CCNG2: variants seen among roughly 807,000 people sequenced by gnomAD.
CCNG2 encodes cyclin-G2.
A neutral mutation model predicts 36.5 loss-of-function variants in CCNG2; 20 were observed. The ratio of observed to expected loss-of-function variants is 0.55; its 90% CI spans 0.39 to 0.80. CCNG2 has a LOEUF of 0.80. Ranked by LOEUF, CCNG2 falls within the 30% of genes least tolerant of loss-of-function variation. The pLI is 0.00. For missense variants in CCNG2, 358 were observed against 390.8 expected, an observed-to-expected ratio of 0.92 and a Z score of 0.71; for synonymous variants, 155 against 140.1, an observed-to-expected ratio of 1.11 and a Z score of -0.75.
rs1365443814 is a variant in CCNG2 at position 77,167,066 on chromosome 4, TTTA to T, written c.*1147_*1149del. 8 of 152,344 alleles carry T rather than the reference TTTA, an allele frequency of 5.3e-5. No homozygotes were observed. Among genetic ancestry groups the T allele is most frequent in the African/African-American group, 1.9e-4 (8 of 41,586 alleles). 9.4% of individuals were successfully genotyped at this position (152,344 alleles called of 1,614,324 possible). On this transcript the variant is annotated 3_prime_UTR_variant, in exon 8 of 8. Transcript: ENST00000316355. ...GTCTAGTCATTGCATGTAAATATAA[TTTA>T]TTATGTATTCTGTAGTATAAATCAT...
At chr4:77,164,019 G>A (rs373841414) in intron 6 of CCNG2, among the ~76,000 whole-genome samples, 31 of 152,170 alleles carry the variant, frequency 2.0e-4, no homozygotes, top group African/African-American at 6.7e-4. Flanking sequence ...TTATACTTAC[G>A]GTGCTCTTCT....
chr4:77,163,390 G>A (rs904364263), intron 6 of CCNG2, among the ~76,000 whole-genome samples: 3 of 152,184 alleles, frequency 2.0e-5, no homozygotes, highest in Non-Finnish European at 2.9e-5. Flanking sequence ...TGTGTCAGAG[G>A]TAATGTCAGT....
chr4:77,158,687 G>A lies in CCNG2; in HGVS notation c.138+17G>A, dbSNP rs1731342247. ...ACCCCGGAGGTAAGTTGGCAGAAAA[G>A]ATAACTTGCTCAAGCAGCTGATGGG... is the stretch of plus-strand genomic sequence containing the variant. On this transcript the variant is annotated intron_variant, in intron 2 of 7. Transcript: ENST00000316355. 33 of 1,613,394 alleles carry A rather than the reference G, an allele frequency of 2.0e-5. No homozygotes were observed. Among genetic ancestry groups the A allele is most frequent in the Non-Finnish European group, 2.4e-5 (28 of 1,179,864 alleles).
Position 77,168,175 on chromosome 4 carries a change from A to G in CCNG2, c.*2251A>G, listed in dbSNP as rs4150106. Reference sequence around the variant, plus strand: ...TCTTTCTCAGCGAATAATTCCATCTATTCATGTTGGAAACTTAGGTGATAT... The same window carrying G: ...TCTTTCTCAGCGAATAATTCCATCTGTTCATGTTGGAAACTTAGGTGATAT... On this transcript the variant is annotated 3_prime_UTR_variant, in exon 8 of 8. Coordinates refer to ENST00000316355, the MANE Select transcript of CCNG2 (RefSeq NM_004354.3). 49,034 of 152,060 alleles carry G rather than the reference A, an allele frequency of 0.32. 9,342 individuals are homozygous for G. The highest frequency in any genetic ancestry group is 0.45 in the East Asian group (2,314 of 5,160). The allele number at this position is 152,060 out of a possible 1,614,324, so 9.4% of individuals were successfully genotyped here.
intron 7 of CCNG2, 50 bp from the exon 8 acceptor site, chr4:77,165,751 G>C: frequency 7.0e-7 from 1 of 1,423,834 alleles, no homozygotes; most frequent in Non-Finnish European, 9.4e-7. Flanking sequence ...AAACATTTAA[G>C]TGTGTTTTAA....
intron 4 of CCNG2, 99 bp downstream of exon 4, chr4:77,161,070 A>G (rs1017005008): frequency 1.4e-5 from 12 of 882,382 alleles, no homozygotes; most frequent in Admixed American, 1.1e-4. Context: ...ACCTTCTTCA[A>G]ACTTTCAACT....
Position 77,158,612 on chromosome 4 carries a change from A to G in CCNG2, c.80A>G (p.Gln27Arg), listed in dbSNP as rs765346917. The change falls in exon 2 of 8, where the codon CAA (glutamine) becomes CGA (arginine). Residue 27 changes from glutamine to arginine, a missense_variant. Coordinates refer to ENST00000316355, the MANE Select transcript of CCNG2 (RefSeq NM_004354.3). ...LLGLLNVYLE[Q>R]EERFQPREKG... Reference sequence around the variant, plus strand: ...GGGTTGTTGAACGTCTACCTGGAACAAGAAGAGAGATTCCAACCTCGAGAA... The same window carrying G: ...GGGTTGTTGAACGTCTACCTGGAACGAGAAGAGAGATTCCAACCTCGAGAA... 5 of 1,614,040 alleles carry G rather than the reference A, an allele frequency of 3.1e-6. No homozygotes were observed. Among genetic ancestry groups the G allele is most frequent in the Non-Finnish European group, 4.2e-6 (5 of 1,180,036 alleles).
intron 1 of CCNG2, among the ~76,000 whole-genome samples, chr4:77,158,018 C>T (rs1318713505): frequency 6.6e-6 from 1 of 151,710 alleles, no homozygotes; most frequent in African/African-American, 2.4e-5. Context: ...AAGCTGGGGG[C>T]GGGACTCTCC....
intron 7 of CCNG2, among the ~76,000 whole-genome samples, chr4:77,165,398 A>C (rs927007856): frequency 1.3e-5 from 2 of 151,814 alleles, no homozygotes; most frequent in African/African-American, 4.8e-5. Flanking sequence ...AACTTGTTTA[A>C]ACTTAAGAAA....
At chr4:77,157,729 A>G (rs1577902331) in intron 1 of CCNG2, among the ~76,000 whole-genome samples, 1 of 151,990 alleles carries the variant, frequency 6.6e-6, no homozygotes, top group South Asian at 2.1e-4. Context: ...GGTTAAGGGC[A>G]GTCTCCGCCT....
At chr4:77,161,335 T>C in intron 4 of CCNG2, 145 bp from the exon 5 acceptor site, 1 of 622,438 alleles carries the variant, frequency 1.6e-6, no homozygotes. Context: ...CTCCTGACCT[T>C]AGGTGATCCA....
chr4:77,159,269 A>G, intron 2 of CCNG2, 98 bp from the exon 3 acceptor site: 1 of 1,157,616 alleles, frequency 8.6e-7, no homozygotes, highest in Non-Finnish European at 1.2e-6. Flanking sequence ...AATTAACCTT[A>G]TTCTTGGGAA....
At position 77,160,945 on chromosome 4, in the gene CCNG2, T is replaced by G; in HGVS notation, c.501T>G (p.Thr167=). ...TAAACTTTTTGCACTTATACCATAC[T>G]ATTATACTTTGTCATACTTCAGAAA... The part of the protein sequence containing the change: ...TALNFLHLYH[T]IILCHTSERK... The change falls in exon 4 of 8, where the codon ACT becomes ACG. Residue 167 remains threonine (T), a synonymous_variant. Coordinates refer to ENST00000316355, the MANE Select transcript of CCNG2 (RefSeq NM_004354.3). 6.2e-7 allele frequency: 1 copy of G among 1,604,820 alleles called. No individual in the cohort carries two copies.
Position 77,157,494 on chromosome 4 carries a change from C to G in CCNG2, c.-13C>G, listed in dbSNP as rs1226568788. On this transcript the variant is annotated 5_prime_UTR_variant, in exon 1 of 8. Transcript: ENST00000316355. ...GCGAGGCCGCGGGCGGGTGGAGGCGCGTCTCCGGCACGGTGAGTGGACCCG... is the reference window on the plus strand; with the variant it reads ...GCGAGGCCGCGGGCGGGTGGAGGCGGGTCTCCGGCACGGTGAGTGGACCCG... The G allele has an allele frequency of 6.6e-6, 1 of 152,488 alleles. No homozygotes were observed. The highest frequency in any genetic ancestry group is 1.5e-5 in the Non-Finnish European group (1 of 68,334). 9.4% of individuals were successfully genotyped at this position (152,488 alleles called of 1,614,324 possible). A position where few individuals can be genotyped will look rare whatever the true frequency, so the allele number is the denominator to read the frequency against.
Position 77,158,801 on chromosome 4 carries a change from A to G in CCNG2, c.138+131A>G, listed in dbSNP as rs139604990. ...AAGTTGTTCTTTCTGGAGTACCAAG[A>G]TAAACCTTATTACAGGTTAATGCTT... On this transcript the variant is annotated intron_variant, in intron 2 of 7. Coordinates refer to ENST00000316355, the MANE Select transcript of CCNG2 (RefSeq NM_004354.3). The G allele has an allele frequency of 1.2e-3, 1,033 of 840,020 alleles. 7 individuals carry two copies. In the African/African-American group the frequency reaches 0.016, roughly 13 times the overall value. 52.0% of individuals were successfully genotyped at this position (840,020 alleles called of 1,614,324 possible).
chr4:77,159,561 A>G, intron 3 of CCNG2, 57 bp downstream of exon 3: 2 of 1,533,572 alleles, frequency 1.3e-6, no homozygotes, highest in South Asian at 2.4e-5. Flanking sequence ...TGCCTAGCAC[A>G]CAGGGTTCAA....
Position 77,161,507 on chromosome 4 carries a change from A to C in CCNG2, c.555A>C (p.Leu185=), listed in dbSNP as rs753670439. The stretch of plus-strand genomic sequence containing the variant: ...AAGAAATACTGAGCCTTGATAAACT[A>C]GAAGCTCAGCTGAAAGCTTGCAACT... ...ERKEILSLDK[L]EAQLKACNCR... The change falls in exon 5 of 8, where the codon CTA becomes CTC. Residue 185 remains leucine, a synonymous_variant. Coordinates refer to ENST00000316355, the MANE Select transcript of CCNG2 (RefSeq NM_004354.3). The C allele has an allele frequency of 1.9e-6, 3 of 1,608,060 alleles. No individual in the cohort carries two copies. Among genetic ancestry groups the C allele is most frequent in the East Asian group, 2.2e-5 (1 of 44,814 alleles).
chr4:77,163,265 GTA>G (rs1731535912), intron 6 of CCNG2, among the ~76,000 whole-genome samples: 1 of 152,080 alleles, frequency 6.6e-6, no homozygotes, highest in African/African-American at 2.4e-5. Context: ...GTGAAGAAAG[GTA>G]CATCCCCACA....
chr4:77,158,707 G>C, intron 2 of CCNG2, 37 bp downstream of exon 2: 2 of 1,611,596 alleles, frequency 1.2e-6, no homozygotes, highest in South Asian at 2.2e-5. Context: ...TCAAGCAGCT[G>C]ATGGGGCTTG....
Sources: gnomAD v4.1 joint callset for allele counts (sites outside exome capture counted in the v4.1 genomes callset) on GRCh38, gnomAD v4.1.1 for gene constraint, MANE v1.5 for transcripts, NCBI Gene and HGNC (gene_info 2026-07-23, HGNC 2026-07-21) for gene names.